Variants in KLHL32 observed in about 807,000 individuals in gnomAD.
KLHL32 encodes the protein kelch-like protein 32.
Under a neutral mutation model 64.8 loss-of-function variants are expected in KLHL32, and 35 were observed. That is an observed-to-expected ratio of 0.54 (90% CI 0.41 to 0.72). The LOEUF (loss-of-function observed/expected upper bound fraction) is 0.72, where lower values mean the gene tolerates loss of function less well. Among genes scored for constraint, KLHL32 ranks in the 30% least tolerant of loss-of-function variants. The pLI is 0.00. For synonymous variants in KLHL32, 259 were observed against 281.0 expected (o/e 0.92, Z 0.78); for missense variants, 589 against 768.5 (o/e 0.77, Z 2.76).
chr6:97,071,975 C>T (rs930985619), intron 5 of KLHL32, among the ~76,000 whole-genome samples: 8 of 152,182 alleles, frequency 5.3e-5, no homozygotes, highest in African/African-American at 1.9e-4. Context: ...AGAACCATGT[C>T]CTTTCTATTT....
At chr6:96,909,532 A>G in the KLHL32 span, among the ~76,000 whole-genome samples, 3 of 152,208 alleles carry the variant, frequency 2.0e-5, no homozygotes, top group South Asian at 6.2e-4. Context: ...CAGCAAAGGC[A>G]GTCAAAGCAC....
chr6:97,046,408 A>G (rs1785932501), intron 4 of KLHL32, among the ~76,000 whole-genome samples: 1 of 136,950 alleles, frequency 7.3e-6, no homozygotes, highest in Non-Finnish European at 1.5e-5. Context: ...AGATTAAGTT[A>G]TACTTTGTTA....
At chr6:96,918,906 G>T in the KLHL32 span, among the ~76,000 whole-genome samples, 4 of 152,160 alleles carry the variant, frequency 2.6e-5, no homozygotes, top group East Asian at 7.7e-4. Context: ...TTTAAAAGAT[G>T]GAGAAAATGA....
intron 5 of KLHL32, 107 bp downstream of exon 5, chr6:97,064,833 G>T: frequency 2.3e-6 from 2 of 876,830 alleles, no homozygotes; most frequent in Non-Finnish European, 1.8e-6. Context: ...TGGGGGTGGG[G>T]TGTGGGCTGT....
At chr6:97,042,308 A>G (rs969536730) in intron 4 of KLHL32, among the ~76,000 whole-genome samples, 4 of 152,210 alleles carry the variant, frequency 2.6e-5, no homozygotes, top group Admixed American at 1.3e-4. Flanking sequence ...AAAGACAGGC[A>G]AATACATGAT....
intron 3 of KLHL32, among the ~76,000 whole-genome samples, chr6:97,007,504 G>T (rs181052863): frequency 6.6e-6 from 1 of 152,260 alleles, no homozygotes; most frequent in Non-Finnish European, 1.5e-5. Flanking sequence ...TTTCAGCCTG[G>T]TTAAGAACCA....
At chr6:96,898,579 C>A in the KLHL32 span, among the ~76,000 whole-genome samples, 1 of 152,212 alleles carries the variant, frequency 6.6e-6, no homozygotes, top group African/African-American at 2.4e-5. Context: ...TAATTTACTT[C>A]TCCATGCTAC....
Position 96,989,461 on chromosome 6 carries a change from G to A in KLHL32, c.204+13284G>A, listed in dbSNP as rs1164749650. On this transcript the variant is annotated intron_variant, in intron 3 of 10. Transcript: ENST00000369261. ...AGGCTTGTAGGGTTTCTTTTGAAAG[G>A]CATGCTGTTAGCTTGATGGGTTTCT... is the stretch of plus-strand genomic sequence containing the variant. Among the ~76,000 whole-genome samples the A allele has an allele frequency of 2.0e-5, 3 of 152,118 alleles. No individual in the cohort carries two copies. In the East Asian group the frequency reaches 5.8e-4, roughly 29 times the overall value.
intron 3 of KLHL32, among the ~76,000 whole-genome samples, chr6:97,036,760 A>T (rs1353819464): frequency 2.0e-5 from 3 of 152,148 alleles, no homozygotes; most frequent in Admixed American, 6.5e-5. Context: ...GTGTGGGCTC[A>T]TGTGAAGCCG....
intron 2 of KLHL32, among the ~76,000 whole-genome samples, chr6:96,975,049 G>A (rs753526005): frequency 2.6e-5 from 4 of 152,166 alleles, no homozygotes; most frequent in East Asian, 1.9e-4. Flanking sequence ...ATAGATTCCC[G>A]TTGATATAAG....
At chr6:96,969,090 C>T (rs891457698) in intron 2 of KLHL32, among the ~76,000 whole-genome samples, 1 of 152,168 alleles carries the variant, frequency 6.6e-6, no homozygotes, top group Non-Finnish European at 1.5e-5. Flanking sequence ...TCTTCCTCCT[C>T]ATCACAAACC....
chr6:97,138,563 C>A lies in KLHL32; in HGVS notation c.1702-558C>A, dbSNP rs113827876. Among the ~76,000 whole-genome samples, 890 of 151,892 alleles carry A rather than the reference C, an allele frequency of 5.9e-3. 4 individuals carry two copies. Among genetic ancestry groups the A allele is most frequent in the Non-Finnish European group, 6.6e-3 (446 of 67,854 alleles). Reference sequence around the variant, plus strand: ...AACAAAAACAAAAACAACAAAAAAACCCCAAAAACAAACAAAACAAACAAA... The same window carrying A: ...AACAAAAACAAAAACAACAAAAAAAACCCAAAAACAAACAAAACAAACAAA... On this transcript the variant is annotated intron_variant, in intron 10 of 10. Coordinates refer to ENST00000369261, the MANE Select transcript of KLHL32 (RefSeq NM_052904.4).
At chr6:97,027,904 A>C (rs1370769011) in intron 3 of KLHL32, among the ~76,000 whole-genome samples, 4 of 152,214 alleles carry the variant, frequency 2.6e-5, no homozygotes, top group Non-Finnish European at 5.9e-5. Flanking sequence ...TATATTTGAA[A>C]GGCTATTAAG....
chr6:97,060,399 G>T (rs1429195314), intron 4 of KLHL32, among the ~76,000 whole-genome samples: 1 of 152,182 alleles, frequency 6.6e-6, no homozygotes, highest in East Asian at 1.9e-4. Context: ...GCTGAAGAAG[G>T]AGGGGCAGGG....
At chr6:97,013,353 T>C (rs1780665006) in intron 3 of KLHL32, among the ~76,000 whole-genome samples, 1 of 152,218 alleles carries the variant, frequency 6.6e-6, no homozygotes, top group Non-Finnish European at 1.5e-5. Context: ...ACTTCAGTTT[T>C]TGTGCCTTGG....
intron 1 of KLHL32, among the ~76,000 whole-genome samples, chr6:96,951,608 C>G (rs1180146742): frequency 3.9e-5 from 6 of 152,058 alleles, no homozygotes; most frequent in Admixed American, 3.9e-4. Flanking sequence ...TAATTGCTCA[C>G]TATTAATATT....
the KLHL32 span, among the ~76,000 whole-genome samples, chr6:96,902,514 C>G: frequency 6.6e-6 from 1 of 152,134 alleles, no homozygotes; most frequent in Non-Finnish European, 1.5e-5. Flanking sequence ...GCATGGATTG[C>G]AAAACTTTTC....
chr6:96,974,505 A>G (rs1775486889), intron 2 of KLHL32, among the ~76,000 whole-genome samples: 1 of 152,182 alleles, frequency 6.6e-6, no homozygotes, highest in Admixed American at 6.5e-5. Context: ...AGTGACAGTA[A>G]CCATTTCAAA....
At position 97,140,473 on chromosome 6, in the gene KLHL32, T is replaced by G. The variant is rs1800569380; in HGVS notation, c.*1191T>G. On this transcript the variant is annotated 3_prime_UTR_variant, in exon 11 of 11. Coordinates refer to ENST00000369261, the MANE Select transcript of KLHL32 (RefSeq NM_052904.4). ...CTCTTTTAATAATGCATAGGAATTC[T>G]TTTTTAGACTAGTTTTTGGGTTTGC... 6.6e-6 allele frequency: 1 copy of G among 152,106 alleles called. No homozygotes were observed. Among genetic ancestry groups the G allele is most frequent in the Admixed American group, 6.5e-5 (1 of 15,272 alleles). 9.4% of individuals were successfully genotyped at this position (152,106 alleles called of 1,614,324 possible). A position where few individuals can be genotyped will look rare whatever the true frequency, so the allele number is the denominator to read the frequency against.
Sources: allele counts gnomAD v4.1 joint callset (sites outside exome capture counted in the v4.1 genomes callset), GRCh38; gene constraint gnomAD v4.1.1; transcripts MANE v1.5; gene names NCBI Gene and HGNC (gene_info 2026-07-23, HGNC 2026-07-21).